Variants in CSMD1 observed in about 807,000 individuals in gnomAD.
The protein encoded by CSMD1 is CUB and Sushi multiple domains 1, also known as CUB and sushi domain-containing protein 1.
CSMD1 carries 213 observed loss-of-function variants against 417.5 expected under a neutral mutation model. The ratio of observed to expected loss-of-function variants is 0.51; its 90% CI spans 0.46 to 0.57. The LOEUF (loss-of-function observed/expected upper bound fraction) is 0.57. Among genes scored for constraint, CSMD1 ranks in the 20% least tolerant of loss-of-function variants. The pLI is 0.00. For missense variants in CSMD1, 6,923 were observed against 4,529.7 expected, an observed-to-expected ratio of 1.53 and a Z score of -15.17; for synonymous variants, 2,862 against 1,736.8, an observed-to-expected ratio of 1.65 and a Z score of -16.11.
At chr8:3,208,013 C>T (rs1297513545) in intron 30 of CSMD1, among the ~76,000 whole-genome samples, 1 of 152,142 alleles carries the variant, frequency 6.6e-6, no homozygotes, top group Admixed American at 6.6e-5. Context: ...CATGTGAAGT[C>T]AACCAGGTTA....
chr8:3,974,763 T>C (rs1180971113), intron 5 of CSMD1, among the ~76,000 whole-genome samples: 1 of 152,114 alleles, frequency 6.6e-6, no homozygotes, highest in Non-Finnish European at 1.5e-5. Context: ...TACGGAATTC[T>C]TTACAGTTAT....
At chr8:3,368,650 C>G (rs1040727873) in intron 19 of CSMD1, among the ~76,000 whole-genome samples, 1 of 152,146 alleles carries the variant, frequency 6.6e-6, no homozygotes, top group South Asian at 2.1e-4. Context: ...CAAATAGACT[C>G]TTAAAGATGA....
chr8:4,408,290 G>C (rs996467797), intron 3 of CSMD1, among the ~76,000 whole-genome samples: 4 of 152,124 alleles, frequency 2.6e-5, no homozygotes, highest in Non-Finnish European at 5.9e-5. Flanking sequence ...TATTATGAAA[G>C]AACCAGTGTC....
intron 2 of CSMD1, among the ~76,000 whole-genome samples, chr8:4,461,273 A>C (rs140651308): frequency 1.6e-4 from 25 of 152,090 alleles, no homozygotes; most frequent in Admixed American, 4.6e-4. Context: ...TACAGTTAAC[A>C]TTGTATTTAA....
At chr8:3,285,830 T>C (rs1191200851) in intron 25 of CSMD1, among the ~76,000 whole-genome samples, 1 of 151,336 alleles carries the variant, frequency 6.6e-6, no homozygotes, top group Non-Finnish European at 1.5e-5. Context: ...TGTATATATA[T>C]ATATATTTTA....
intron 2 of CSMD1, among the ~76,000 whole-genome samples, chr8:4,524,252 CAA>C (rs57258882): frequency 7.7e-6 from 1 of 129,264 alleles, no homozygotes; most frequent in African/African-American, 2.8e-5. Flanking sequence ...AGACAACACT[CAA>C]AAAAAAAAAA....
chr8:4,143,482 C>G (rs1220414339), intron 3 of CSMD1, among the ~76,000 whole-genome samples: 2 of 149,872 alleles, frequency 1.3e-5, no homozygotes, highest in South Asian at 4.2e-4. Context: ...ATATATGGCT[C>G]ATAGTTAAAG....
chr8:3,754,991 A>G (rs1405897651), intron 5 of CSMD1, among the ~76,000 whole-genome samples: 2 of 152,192 alleles, frequency 1.3e-5, no homozygotes, highest in Admixed American at 1.3e-4. Flanking sequence ...ATAAGATGCA[A>G]TCAATTTCTG....
chr8:3,018,404 T>C (rs1809046681), intron 52 of CSMD1, 73 bp downstream of exon 52: 22 of 1,380,864 alleles, frequency 1.6e-5, no homozygotes, highest in Non-Finnish European at 2.0e-5. Context: ...AGAAGTCATA[T>C]GTGTTACACA....
intron 3 of CSMD1, among the ~76,000 whole-genome samples, chr8:4,293,315 G>A (rs1393454537): frequency 1.3e-5 from 2 of 152,184 alleles, no homozygotes; most frequent in Non-Finnish European, 2.9e-5. Flanking sequence ...ATGAGAAACT[G>A]ACGATGCTGA....
chr8:3,719,524 C>G (rs564984592), intron 6 of CSMD1, among the ~76,000 whole-genome samples: 1 of 152,186 alleles, frequency 6.6e-6, no homozygotes, highest in Admixed American at 6.5e-5. Context: ...ACAATGAAGA[C>G]TTTGGGAAAA....
chr8:3,394,559 G>A (rs1419421964), intron 17 of CSMD1, among the ~76,000 whole-genome samples: 1 of 152,012 alleles, frequency 6.6e-6, no homozygotes, highest in Non-Finnish European at 1.5e-5. Context: ...GTCAATGCCT[G>A]AAAATAATTA....
intron 1 of CSMD1, among the ~76,000 whole-genome samples, chr8:4,807,390 T>C (rs1299527729): frequency 6.6e-6 from 1 of 152,126 alleles, no homozygotes; most frequent in African/African-American, 2.4e-5. Flanking sequence ...CACTGCCGGG[T>C]GGGAAACGTG....
At chr8:4,331,765 A>G (rs1799881513) in intron 3 of CSMD1, among the ~76,000 whole-genome samples, 1 of 152,288 alleles carries the variant, frequency 6.6e-6, no homozygotes, top group Middle Eastern at 3.4e-3. Flanking sequence ...CCATGTGCCA[A>G]GTCTTCCCAG....
chr8:3,531,677 A>G (rs1160242331), intron 10 of CSMD1, among the ~76,000 whole-genome samples: 1 of 152,182 alleles, frequency 6.6e-6, no homozygotes, highest in Admixed American at 6.5e-5. Flanking sequence ...TATGCAGATA[A>G]TGAGGGCAAA....
At chr8:3,108,876 G>C (rs567069443) in intron 43 of CSMD1, 128 bp from the exon 44 acceptor site, 98 of 890,628 alleles carry the variant, frequency 1.1e-4, no homozygotes, top group Non-Finnish European at 1.6e-4. Flanking sequence ...AGGATACTGT[G>C]TTTGTAAACA....
intron 3 of CSMD1, among the ~76,000 whole-genome samples, chr8:4,105,484 C>G (rs1481660847): frequency 6.6e-6 from 1 of 152,156 alleles, no homozygotes; most frequent in Non-Finnish European, 1.5e-5. Context: ...ACTGAGGAAA[C>G]TATGTTCCAG....
At chr8:4,056,030 G>C (rs982995612) in intron 3 of CSMD1, among the ~76,000 whole-genome samples, 5 of 150,386 alleles carry the variant, frequency 3.3e-5, no homozygotes, top group Admixed American at 2.0e-4. Flanking sequence ...TTTCCTCCTG[G>C]GAAAATTGAA....
At chr8:4,661,518 C>T (rs995067019) in intron 1 of CSMD1, among the ~76,000 whole-genome samples, 1 of 152,146 alleles carries the variant, frequency 6.6e-6, no homozygotes, top group Non-Finnish European at 1.5e-5. Flanking sequence ...TGTGACTCTA[C>T]ATGAGAATAG....
Sources: gnomAD v4.1 joint callset for allele counts (sites outside exome capture counted in the v4.1 genomes callset) on GRCh38, gnomAD v4.1.1 for gene constraint, MANE v1.5 for transcripts, NCBI Gene and HGNC (gene_info 2026-07-23, HGNC 2026-07-21) for gene names.